The following CUL2 variants were observed in gnomAD, a reference collection of about 807,000 sequenced individuals.
CUL2 encodes the protein cullin-2.
Under a neutral mutation model 110.2 loss-of-function variants are expected in CUL2, and 22 were observed. The observed-to-expected ratio is 0.20, with a 90% confidence interval of 0.14 to 0.28. CUL2 has a LOEUF of 0.28. CUL2 is among the 10% of genes least tolerant of loss of function. CUL2 has a pLI of 1.00. For missense variants in CUL2, 631 were observed against 905.5 expected (o/e 0.70, Z 3.89); for synonymous variants, 279 against 293.2 (o/e 0.95, Z 0.49).
chr10:35,119,100 T>C (rs2087643434), intron 1 of CUL2, among the ~76,000 whole-genome samples: 1 of 152,224 alleles, frequency 6.6e-6, no homozygotes, highest in African/African-American at 2.4e-5. Flanking sequence ...TTATCTAACA[T>C]TGGATGGAGT....
chr10:35,062,388 C>T (rs895979417), intron 3 of CUL2, among the ~76,000 whole-genome samples: 4 of 151,852 alleles, frequency 2.6e-5, no homozygotes, highest in South Asian at 2.1e-4. Context: ...GAATAAAAAA[C>T]GAGGGAAAAT....
intron 17 of CUL2, among the ~76,000 whole-genome samples, chr10:35,022,079 A>G (rs199677160): frequency 2.6e-5 from 2 of 77,090 alleles, no homozygotes; most frequent in Non-Finnish European, 6.9e-5. Flanking sequence ...CTATGTACGT[A>G]TGTCTGTCTT....
At chr10:35,030,377 T>G (rs2085450248) in intron 14 of CUL2, among the ~76,000 whole-genome samples, 1 of 151,846 alleles carries the variant, frequency 6.6e-6, no homozygotes, top group South Asian at 2.1e-4. Context: ...TAACACTACT[T>G]TTTTTTTGTA....
At chr10:35,033,830 C>G (rs946263356) in intron 10 of CUL2, among the ~76,000 whole-genome samples, 1 of 151,646 alleles carries the variant, frequency 6.6e-6, no homozygotes, top group South Asian at 2.1e-4. Flanking sequence ...TGTCTAGTAC[C>G]TGTCAGAAGA....
At chr10:35,057,632 G>A (rs556966825) in intron 4 of CUL2, among the ~76,000 whole-genome samples, 16 of 142,382 alleles carry the variant, frequency 1.1e-4, no homozygotes, top group Admixed American at 9.9e-4. Context: ...CAGCCTGGGC[G>A]ACGGAGCAAG....
intron 1 of CUL2, among the ~76,000 whole-genome samples, chr10:35,077,674 G>A (rs962883594): frequency 3.3e-5 from 5 of 151,292 alleles, no homozygotes; most frequent in African/African-American, 9.7e-5. Context: ...AAAATTAGCC[G>A]GGCACGGTGG....
intron 6 of CUL2, 30 bp downstream of exon 6, chr10:35,049,653 T>G (rs919201752): frequency 1.3e-6 from 2 of 1,561,282 alleles, no homozygotes; most frequent in Non-Finnish European, 1.8e-6. Flanking sequence ...AAAATAAAAT[T>G]GACTCAGTAA....
At chr10:35,023,880 G>A (rs2085267031) in intron 17 of CUL2, among the ~76,000 whole-genome samples, 1 of 152,198 alleles carries the variant, frequency 6.6e-6, no homozygotes, top group African/African-American at 2.4e-5. Flanking sequence ...TGTTGCCCAG[G>A]CTGGAGTGCA....
chr10:35,111,687 A>T (rs973815182), intron 1 of CUL2, among the ~76,000 whole-genome samples: 1 of 152,204 alleles, frequency 6.6e-6, no homozygotes, highest in Non-Finnish European at 1.5e-5. Flanking sequence ...CAGGAGTTCC[A>T]GACCAGCCTG....
intron 1 of CUL2, chr10:35,118,844 T>C (rs2087639266): frequency 6.6e-6 from 1 of 152,240 alleles, no homozygotes; most frequent in Admixed American, 6.5e-5. Flanking sequence ...TCCAGGATAA[T>C]GATCCAGTTA....
chr10:35,067,637 GGGA>G (rs1231341200), intron 2 of CUL2, among the ~76,000 whole-genome samples: 2 of 151,862 alleles, frequency 1.3e-5, no homozygotes, highest in Non-Finnish European at 2.9e-5. Context: ...CCAGCTACAC[GGGA>G]GGATGAGGCA....
intron 2 of CUL2, among the ~76,000 whole-genome samples, chr10:35,100,654 C>T (rs892761256): frequency 6.9e-6 from 1 of 145,712 alleles, no homozygotes; most frequent in African/African-American, 2.5e-5. Flanking sequence ...CCCAGCTACT[C>T]GGGAGGCTGA....
intron 1 of CUL2, among the ~76,000 whole-genome samples, chr10:35,084,788 G>A (rs1342680589): frequency 6.6e-6 from 1 of 152,074 alleles, no homozygotes; most frequent in Non-Finnish European, 1.5e-5. Context: ...ATAATATTAA[G>A]ATTCTAGGGC....
chr10:35,098,255 A>C (rs865955701), intron 2 of CUL2: 2 of 152,196 alleles, frequency 1.3e-5, no homozygotes, highest in South Asian at 2.1e-4. Flanking sequence ...AAAAGAACTC[A>C]TTTTGAGGAA....
Position 35,031,745 on chromosome 10 carries a change from C to A in CUL2, c.1171-126G>T. ...AATTTTTGCTGTTTTTTTTAGAGAC[C>A]GGGTCTTGCTCTGTTGCCAGGCTGG... is the stretch of plus-strand genomic sequence containing the variant. On this transcript the variant is annotated intron_variant, in intron 12 of 20. Transcript: ENST00000374749. This position sits in a 1 kb window ranked among gnomAD's most constrained non-coding sequence, Gnocchi z 4.4. 2 of 948,990 alleles carry A rather than the reference C, an allele frequency of 2.1e-6. No homozygotes were observed. The highest frequency in any genetic ancestry group is 2.5e-5 in the East Asian group (1 of 39,448). The allele number at this position is 948,990 out of a possible 1,614,324, so 58.8% of individuals were successfully genotyped here.
chr10:35,028,773 T>C (rs1178205228), intron 16 of CUL2, 37 bp downstream of exon 16: 1 of 1,328,756 alleles, frequency 7.5e-7, no homozygotes, highest in East Asian at 2.3e-5. Flanking sequence ...ATTATTAAAA[T>C]TCCTTTAGTC....
chr10:35,056,821 C>G (rs1447716446), intron 4 of CUL2, among the ~76,000 whole-genome samples: 3 of 152,208 alleles, frequency 2.0e-5, no homozygotes, highest in African/African-American at 7.2e-5. Context: ...CAAGACCATT[C>G]CAGTAACCTC....
chr10:35,070,691 A>G (rs4934533), intron 2 of CUL2, among the ~76,000 whole-genome samples: 55,418 of 152,010 alleles, frequency 0.36, 10,178 homozygotes, highest in African/African-American at 0.41. Flanking sequence ...TCCAGCAAGC[A>G]CACTCTTCCC....
chr10:35,034,971 G>A (rs1243055323), intron 10 of CUL2, among the ~76,000 whole-genome samples: 1 of 152,228 alleles, frequency 6.6e-6, no homozygotes, highest in Non-Finnish European at 1.5e-5. Flanking sequence ...CTAAGCAGCA[G>A]CCTATCAATA....
Sources: allele counts gnomAD v4.1 joint callset (sites outside exome capture counted in the v4.1 genomes callset), GRCh38; gene constraint gnomAD v4.1.1; non-coding constraint Gnocchi (gnomAD v3.1); transcripts MANE v1.5; gene names NCBI Gene and HGNC (gene_info 2026-07-23, HGNC 2026-07-21).